SLC7A7: variants seen among roughly 807,000 people sequenced by gnomAD.
The protein encoded by SLC7A7 is solute carrier family 7 member 7, also known as Y+L amino acid transporter 1.
Under a neutral mutation model 47.9 loss-of-function variants are expected in SLC7A7, and 39 were observed. The observed-to-expected ratio is 0.81, with a 90% CI of 0.63 to 1.06. The LOEUF (loss-of-function observed/expected upper bound fraction) is 1.06, where lower values mean the gene tolerates loss of function less well. SLC7A7 is among the 50% of genes least tolerant of loss of function. The pLI is 0.00. For synonymous variants in SLC7A7, 234 were observed against 242.8 expected, an observed-to-expected ratio of 0.96 and a Z score of 0.34; for missense variants, 588 against 632.0, an observed-to-expected ratio of 0.93 and a Z score of 0.75.
intron 2 of SLC7A7, among the ~76,000 whole-genome samples, chr14:22,809,587 C>T (rs1284498242): frequency 3.9e-5 from 6 of 152,058 alleles, no homozygotes; most frequent in Admixed American, 2.6e-4. Flanking sequence ...GTGATCCACC[C>T]ATCTCGGCCT....
At chr14:22,779,466 T>TG (rs35748274) in intron 3 of SLC7A7, among the ~76,000 whole-genome samples, 42 of 127,280 alleles carry the variant, frequency 3.3e-4, no homozygotes, top group East Asian at 9.9e-4. Flanking sequence ...TTTTTTTTTT[T>TG]GGGGGGGGGA....
chr14:22,795,076 C>CTTTTTTTTTTTTTTT, intron 2 of SLC7A7, among the ~76,000 whole-genome samples: 1 of 97,606 alleles, frequency 1.0e-5, no homozygotes, highest in Non-Finnish European at 2.0e-5. Context: ...TTCTTTCTTT[C>CTTTTTTTTTTTTTTT]TTTTTTTTTT....
chr14:22,778,880 A>G lies in SLC7A7; in HGVS notation c.683T>C (p.Ile228Thr), dbSNP rs368416948. 1.1e-5 allele frequency: 18 copies of G among 1,614,128 alleles called. No individual in the cohort carries two copies. Among genetic ancestry groups the G allele is most frequent in the African/African-American group, 8.0e-5 (6 of 75,062 alleles). The stretch of plus-strand genomic sequence containing the variant: ...CAGAGCTGAGTACAGTGCCAGGGCA[A>G]TGTCACCCACTGCAAATGATGAACC... ...FEGSSFAVGD[I>T]ALALYSALFS... The change falls in exon 4 of 10, where the codon ATT becomes ACT. Residue 228 changes from isoleucine to threonine, a missense_variant. Transcript: ENST00000674313.
At chr14:22,811,861 A>C (rs1025029416) in intron 2 of SLC7A7, among the ~76,000 whole-genome samples, 7 of 143,296 alleles carry the variant, frequency 4.9e-5, no homozygotes, top group Non-Finnish European at 7.6e-5. Context: ...AAAAAAAAAA[A>C]AAAAGGAAGA....
rs2039351093 is a variant in SLC7A7, at chr14:22,813,299, T to C, written c.100A>G (p.Lys34Glu). 6.2e-7 allele frequency: 1 copy of C among 1,614,180 alleles called. No individual in the cohort carries two copies. Among genetic ancestry groups the C allele is most frequent in the South Asian group, 1.1e-5 (1 of 91,088 alleles). ...ASPGPEQVKLKKEISLLNGVC... is the reference protein window; with the variant it reads ...ASPGPEQVKLEKEISLLNGVC... ...CCGTTAAGCAGTGAGATCTCCTTCTTCAGCTTCACCTGCTCCGGCCCTGGG... is the reference window on the plus strand; with the variant it reads ...CCGTTAAGCAGTGAGATCTCCTTCTCCAGCTTCACCTGCTCCGGCCCTGGG... Residue 34 changes from lysine to glutamate, a missense_variant, in exon 2 of 10, where the codon AAG (lysine) becomes GAG (glutamate). Transcript: ENST00000674313.
At chr14:22,811,234 A>G (rs1412077876) in intron 2 of SLC7A7, among the ~76,000 whole-genome samples, 1 of 152,190 alleles carries the variant, frequency 6.6e-6, no homozygotes, top group Non-Finnish European at 1.5e-5. Context: ...AAAGGACACA[A>G]ACTGATTGGA....
intron 2 of SLC7A7, chr14:22,780,518 G>T (rs2038700778): frequency 1.8e-5 from 3 of 168,246 alleles, no homozygotes; most frequent in African/African-American, 4.8e-5. Context: ...TGCTGAGCCA[G>T]CAGGTCAGGC....
At chr14:22,808,130 C>T (rs551697682) in intron 2 of SLC7A7, among the ~76,000 whole-genome samples, 1 of 151,510 alleles carries the variant, frequency 6.6e-6, no homozygotes, top group African/African-American at 2.4e-5. Flanking sequence ...CACCACTGCA[C>T]TCCAGCCTGG....
chr14:22,798,785 T>C (rs2039061241), intron 2 of SLC7A7, among the ~76,000 whole-genome samples: 1 of 152,168 alleles, frequency 6.6e-6, no homozygotes, highest in South Asian at 2.1e-4. Flanking sequence ...CCCTCTGAGT[T>C]GCCAATTCCA....
chr14:22,810,039 C>CAAAAAA (rs34386018), intron 2 of SLC7A7, among the ~76,000 whole-genome samples: 27 of 60,688 alleles, frequency 4.4e-4, no homozygotes, highest in Admixed American at 1.3e-3. Context: ...AACACTGTCT[C>CAAAAAA]AAAAAAAAAA....
At chr14:22,790,638 C>T (rs1167020096) in intron 2 of SLC7A7, among the ~76,000 whole-genome samples, 1 of 152,120 alleles carries the variant, frequency 6.6e-6, no homozygotes, top group Non-Finnish European at 1.5e-5. Context: ...ACAAAGTATA[C>T]TCTTTCATTA....
rs943138656 is a variant in SLC7A7, at chr14:22,775,645, T to G, written c.999-105A>C. ...TCTCTGCCATCCCTTCCTTCAAAAG[T>G]ATTTGGATAATATGGACTGGAGCTC... is the stretch of plus-strand genomic sequence containing the variant. On this transcript the variant is annotated intron_variant, in intron 6 of 9. Coordinates refer to ENST00000674313, the MANE Select transcript of SLC7A7 (RefSeq NM_003982.4). 2.9e-6 allele frequency: 3 copies of G among 1,042,016 alleles called. No homozygotes were observed. The African/African-American group carries it at 4.7e-5, about 16-fold the overall frequency. The allele number at this position is 1,042,016 out of a possible 1,614,324, so 64.5% of individuals were successfully genotyped here. A position where few individuals can be genotyped will look rare whatever the true frequency, so the allele number is the denominator to read the frequency against.
intron 2 of SLC7A7, among the ~76,000 whole-genome samples, chr14:22,806,735 G>A (rs909838627): frequency 6.6e-6 from 1 of 151,984 alleles, no homozygotes; most frequent in Non-Finnish European, 1.5e-5. Context: ...ACCTTCCTAG[G>A]GATTTAGATT....
At chr14:22,781,733 C>T (rs2038723046) in intron 2 of SLC7A7, among the ~76,000 whole-genome samples, 1 of 152,216 alleles carries the variant, frequency 6.6e-6, no homozygotes, top group African/African-American at 2.4e-5. Flanking sequence ...AGTGCCCCTT[C>T]TCCCCAGCTT....
rs869031856 is a variant in SLC7A7 at position 22,783,404 on chromosome 14, C to CT, written c.500-3354dup. On this transcript the variant is annotated intron_variant, in intron 2 of 9. Transcript: ENST00000674313. ...TTTAATCCCTATTGCTTCTCTACTT[C>CT]TTTTTTTTTTTTTTTCGAGACAGTC... 5.2e-4 allele frequency among the ~76,000 whole-genome samples: 72 copies of CT among 137,420 alleles called. 1 individual carries two copies. Among genetic ancestry groups the CT allele is most frequent in the East Asian group, 1.1e-3 (5 of 4,736 alleles). The allele number at this position is 137,420 out of a possible 152,430, so 90.2% of individuals were successfully genotyped here. A position where few individuals can be genotyped will look rare whatever the true frequency, so the allele number is the denominator to read the frequency against.
At chr14:22,815,551 G>C (rs752363101), upstream of SLC7A7, 3 of 454,152 alleles carry the variant, frequency 6.6e-6, no homozygotes, top group Non-Finnish European at 1.3e-5. Context: ...TGGGTCCAAG[G>C]TTCACTGGCC....
intron 1 of SLC7A7, chr14:22,815,107 C>T: frequency 8.6e-6 from 3 of 349,140 alleles, no homozygotes; most frequent in Non-Finnish European, 1.1e-5. Flanking sequence ...TCACCCCGAG[C>T]CAAGGCAGGG....
intron 5 of SLC7A7, 119 bp from the exon 6 acceptor site, chr14:22,776,055 A>G (rs960384885): frequency 2.6e-5 from 38 of 1,439,524 alleles, no homozygotes; most frequent in Non-Finnish European, 3.6e-5. Context: ...AGTGGGGTTA[A>G]CAGGACCTTC....
chr14:22,801,977 G>A (rs894459811), intron 2 of SLC7A7, among the ~76,000 whole-genome samples: 1 of 152,200 alleles, frequency 6.6e-6, no homozygotes, highest in Non-Finnish European at 1.5e-5. Context: ...AAATTCCAAA[G>A]AGCATATCTG....
Sources: allele counts gnomAD v4.1 joint callset (sites outside exome capture counted in the v4.1 genomes callset), GRCh38; gene constraint gnomAD v4.1.1; transcripts MANE v1.5; gene names NCBI Gene and HGNC (gene_info 2026-07-23, HGNC 2026-07-21).